FOXP1: variants seen among roughly 807,000 people sequenced by gnomAD.
The protein encoded by FOXP1 is forkhead box P1, also known as forkhead box protein P1.
A neutral mutation model predicts 98.2 loss-of-function variants in FOXP1; 15 were observed. That is an observed-to-expected ratio of 0.15 (90% confidence interval 0.10 to 0.24). FOXP1 has a LOEUF of 0.24. Ranked by LOEUF, FOXP1 falls within the 10% of genes least tolerant of loss-of-function variation. The pLI, the probability that FOXP1 is intolerant of heterozygous loss-of-function variation, is 1.00. For synonymous variants in FOXP1, 371 were observed against 314.5 expected (o/e 1.18, Z -1.90); for missense variants, 633 against 848.5 (o/e 0.75, Z 3.15).
At chr3:71,235,317 A>T (rs1168113936) in intron 5 of FOXP1, among the ~76,000 whole-genome samples, 3 of 152,210 alleles carry the variant, frequency 2.0e-5, no homozygotes, top group Non-Finnish European at 4.4e-5. Context: ...AGAATGTAGG[A>T]AAGATGTGGA....
At chr3:71,303,937 C>T (rs1346295631) in intron 4 of FOXP1, among the ~76,000 whole-genome samples, 1 of 152,150 alleles carries the variant, frequency 6.6e-6, no homozygotes, top group African/African-American at 2.4e-5. Flanking sequence ...CAAACTTGGA[C>T]GCTACCCAGG....
rs60302484 is a variant in FOXP1, at chr3:71,463,354, C to CA, written c.-168+30071dup. ...TGGGTGACACAGTAAGACACTGTCT[C>CA]AAAAAAAAAAAAAAAAAAAAAAAAA... is the stretch of plus-strand genomic sequence containing the variant. On this transcript the variant is annotated intron_variant, in intron 3 of 20. Coordinates refer to ENST00000649528, the MANE Select transcript of FOXP1 (RefSeq NM_001349338.3). Among the ~76,000 whole-genome samples, 230 of 65,306 alleles carry CA rather than the reference C, an allele frequency of 3.5e-3. 3 individuals carry two copies. Among genetic ancestry groups the CA allele is most frequent in the East Asian group, 0.024 (22 of 936 alleles). The allele number at this position is 65,306 out of a possible 152,430, so 42.8% of individuals were successfully genotyped here.
At position 71,432,866 on chromosome 3, in the gene FOXP1, A is replaced by AAC. The variant is rs142495025; in HGVS notation, c.-168+60559_-168+60560insGT. On this transcript the variant is annotated intron_variant, in intron 3 of 20. Transcript: ENST00000649528. ...CATGTTAAAAAAAAAAAAAAAAAAA[A>AAC]TTAAAAAAAAAAGCCCCATGATTTG... Among the ~76,000 whole-genome samples the AAC allele has an allele frequency of 2.5e-4, 35 of 138,456 alleles. 1 individual carries two copies. The highest frequency in any genetic ancestry group is 3.1e-4 in the African/African-American group (11 of 35,648). The allele number at this position is 138,456 out of a possible 152,430, so 90.8% of individuals were successfully genotyped here.
intron 2 of FOXP1, among the ~76,000 whole-genome samples, chr3:71,554,450 A>G (rs1353016943): frequency 3.3e-5 from 5 of 152,224 alleles, no homozygotes; most frequent in Non-Finnish European, 1.5e-5. Context: ...AATGGAATTC[A>G]TAATTATTTC....
chr3:71,354,133 C>T (rs568681147), intron 4 of FOXP1, among the ~76,000 whole-genome samples: 21 of 140,798 alleles, frequency 1.5e-4, no homozygotes, highest in African/African-American at 4.8e-4. Context: ...GGTGAAACCC[C>T]GTCTGTATTA....
intron 6 of FOXP1, among the ~76,000 whole-genome samples, chr3:71,134,160 T>C (rs1036973476): frequency 6.6e-6 from 1 of 152,208 alleles, no homozygotes; most frequent in African/African-American, 2.4e-5. Flanking sequence ...GTTTCTTTGT[T>C]GCTGTGTGGG....
chr3:71,370,947 A>T (rs561730503), intron 3 of FOXP1, among the ~76,000 whole-genome samples: 1 of 151,770 alleles, frequency 6.6e-6, no homozygotes, highest in Admixed American at 6.6e-5. Context: ...GACTACAGGC[A>T]CACGCCACGA....
At chr3:71,259,869 C>CCTCTATCCA (rs2068948600) in intron 5 of FOXP1, among the ~76,000 whole-genome samples, 1 of 152,122 alleles carries the variant, frequency 6.6e-6, no homozygotes, top group Non-Finnish European at 1.5e-5. Context: ...CACAGGTAAG[C>CCTCTATCCA]CCCTTTGGTG....
intron 7 of FOXP1, among the ~76,000 whole-genome samples, chr3:71,058,388 G>A (rs918305431): frequency 1.3e-5 from 2 of 152,078 alleles, no homozygotes; most frequent in Non-Finnish European, 2.9e-5. Context: ...TAATAATTTA[G>A]AAACTCTTTT....
At chr3:71,546,144 C>T (rs1417777293) in intron 2 of FOXP1, among the ~76,000 whole-genome samples, 1 of 152,178 alleles carries the variant, frequency 6.6e-6, no homozygotes, top group Non-Finnish European at 1.5e-5. Flanking sequence ...CACCTCCCCA[C>T]ACTCCAACAT....
intron 12 of FOXP1, among the ~76,000 whole-genome samples, chr3:71,005,431 CTATAA>C (rs1283721366): frequency 1.0e-4 from 15 of 147,532 alleles, no homozygotes; most frequent in African/African-American, 2.2e-4. Flanking sequence ...TTCTTCAAGA[CTATAA>C]TATAATTTTC....
chr3:71,287,855 A>G lies in FOXP1; in HGVS notation c.-12+11965T>C, dbSNP rs940774777. ...TTGAACTGTTTAAATAAGGTTACCA[A>G]TGAAATTTTTCTCACTACTTCTTCT... is the stretch of plus-strand genomic sequence containing the variant. On this transcript the variant is annotated intron_variant, in intron 5 of 20. Coordinates refer to ENST00000649528, the MANE Select transcript of FOXP1 (RefSeq NM_001349338.3). Among the ~76,000 whole-genome samples the G allele has an allele frequency of 8.5e-5, 13 of 152,146 alleles. 1 individual carries two copies. The highest frequency in any genetic ancestry group is 1.6e-4 in the Non-Finnish European group (11 of 68,038).
intron 4 of FOXP1, among the ~76,000 whole-genome samples, chr3:71,346,636 G>A (rs894204619): frequency 6.6e-6 from 1 of 152,058 alleles, no homozygotes; most frequent in African/African-American, 2.4e-5. Context: ...CCACGGATGC[G>A]GGGTAAGACT....
intron 6 of FOXP1, among the ~76,000 whole-genome samples, chr3:71,137,511 A>G (rs1198578053): frequency 1.3e-5 from 2 of 152,144 alleles, no homozygotes; most frequent in Non-Finnish European, 2.9e-5. Context: ...GGTTTCCTGG[A>G]GGCTGGAGAA....
intron 3 of FOXP1, among the ~76,000 whole-genome samples, chr3:71,481,122 T>C (rs1196112690): frequency 6.6e-6 from 1 of 152,224 alleles, no homozygotes; most frequent in Non-Finnish European, 1.5e-5. Flanking sequence ...TTTGCTGTAA[T>C]GATCACAAAC....
In FOXP1 at chr3:70,955,815, AACACACACGCACGCGCGC is replaced by A. The variant is rs1241604929; in HGVS notation, c.*3414_*3431del. The A allele has an allele frequency of 7.9e-5, 18 of 226,518 alleles. No homozygotes were observed. Among genetic ancestry groups the A allele is most frequent in the Non-Finnish European group, 1.4e-4 (17 of 117,604 alleles). 14.0% of individuals were successfully genotyped at this position (226,518 alleles called of 1,614,324 possible). A position where few individuals can be genotyped will look rare whatever the true frequency, so the allele number is the denominator to read the frequency against. On this transcript the variant is annotated 3_prime_UTR_variant, in exon 21 of 21. Coordinates refer to ENST00000649528, the MANE Select transcript of FOXP1 (RefSeq NM_001349338.3). Reference sequence around the variant, plus strand: ...ATAGGAATGTATCAAAAAACAGATTAACACACACGCACGCGCGCACACACACACACACACACACACAAA... The same window carrying A: ...ATAGGAATGTATCAAAAAACAGATTAACACACACACACACACACACACAAA...
intron 3 of FOXP1, among the ~76,000 whole-genome samples, chr3:71,362,883 C>T (rs2078667541): frequency 6.6e-6 from 1 of 152,194 alleles, no homozygotes; most frequent in African/African-American, 2.4e-5. Context: ...ATGATCTTCA[C>T]AAACATTAAT....
At chr3:71,026,699 C>T (rs1281196164) in intron 11 of FOXP1, among the ~76,000 whole-genome samples, 1 of 152,190 alleles carries the variant, frequency 6.6e-6, no homozygotes, top group Non-Finnish European at 1.5e-5. Context: ...TCATCACTAA[C>T]CATGTCACCA....
intron 3 of FOXP1, among the ~76,000 whole-genome samples, chr3:71,485,364 AT>A (rs1359107640): frequency 6.6e-6 from 1 of 152,052 alleles, no homozygotes; most frequent in East Asian, 1.9e-4. Flanking sequence ...CTGCCCCAAC[AT>A]TTTTTCTTAT....
Sources: gnomAD v4.1 joint callset for allele counts (sites outside exome capture counted in the v4.1 genomes callset) on GRCh38, gnomAD v4.1.1 for gene constraint, MANE v1.5 for transcripts, NCBI Gene and HGNC (gene_info 2026-07-23, HGNC 2026-07-21) for gene names.